Variants in GRM5 observed in about 807,000 individuals in gnomAD.
The protein encoded by GRM5 is metabotropic glutamate receptor 5.
In GRM5, 19 loss-of-function variants were observed where a neutral mutation model predicts 83.1. The ratio of observed to expected loss-of-function variants is 0.23; its 90% CI spans 0.16 to 0.34. GRM5 has a LOEUF of 0.34. GRM5 is among the 10% of genes least tolerant of loss of function. The pLI, the probability that GRM5 is intolerant of heterozygous loss-of-function variation, is 1.00. For synonymous variants in GRM5, 675 were observed against 633.6 expected (o/e 1.07, Z -0.98); for missense variants, 1,160 against 1,588.3 (o/e 0.73, Z 4.58).
intron 2 of GRM5, among the ~76,000 whole-genome samples, chr11:88,903,011 A>G (rs1729704400): frequency 6.6e-6 from 1 of 151,240 alleles, no homozygotes; most frequent in African/African-American, 2.4e-5. Context: ...AAAGCAGAGT[A>G]AGAGGACAAG....
intron 3 of GRM5, among the ~76,000 whole-genome samples, chr11:88,816,283 G>C (rs1419592280): frequency 1.4e-5 from 2 of 143,792 alleles, no homozygotes; most frequent in East Asian, 2.2e-4. Flanking sequence ...GCTCATGCCT[G>C]TAATCCCAGC....
chr11:88,566,974 C>A, intron 8 of GRM5, 79 bp downstream of exon 8: 1 of 900,728 alleles, frequency 1.1e-6, no homozygotes, highest in South Asian at 1.7e-5. Context: ...AGATTTCTCC[C>A]ATTTAAAAGA....
chr11:88,999,637 G>T (rs1278264296), intron 2 of GRM5, among the ~76,000 whole-genome samples: 2 of 152,156 alleles, frequency 1.3e-5, no homozygotes, highest in Admixed American at 1.3e-4. Context: ...TACACTGTTG[G>T]TGGGACTGTA....
intron 3 of GRM5, among the ~76,000 whole-genome samples, chr11:88,794,468 G>A (rs1210041762): frequency 6.6e-6 from 1 of 152,042 alleles, no homozygotes; most frequent in Non-Finnish European, 1.5e-5. Context: ...CACATACTTT[G>A]AATAAATTAT....
chr11:88,739,030 A>G (rs181012800), intron 3 of GRM5, among the ~76,000 whole-genome samples: 1 of 152,200 alleles, frequency 6.6e-6, no homozygotes, highest in African/African-American at 2.4e-5. Flanking sequence ...ACATTTCTAT[A>G]TTTCCAAAAT....
intron 3 of GRM5, among the ~76,000 whole-genome samples, chr11:88,777,340 A>T (rs1005864972): frequency 1.3e-5 from 2 of 152,114 alleles, no homozygotes; most frequent in Non-Finnish European, 2.9e-5. Flanking sequence ...CATTCATCTT[A>T]TCTTTTTTCA....
At chr11:88,747,070 C>T (rs1005678145) in intron 3 of GRM5, among the ~76,000 whole-genome samples, 7 of 152,098 alleles carry the variant, frequency 4.6e-5, no homozygotes, top group Non-Finnish European at 1.0e-4. Context: ...GAAGACACCC[C>T]GTTATCCAAT....
intron 2 of GRM5, among the ~76,000 whole-genome samples, chr11:89,018,470 T>TA (rs1398619956): frequency 6.6e-6 from 1 of 152,210 alleles, no homozygotes; most frequent in African/African-American, 2.4e-5. Flanking sequence ...ACTAATTCAT[T>TA]AAAAAATGCA....
intron 2 of GRM5, among the ~76,000 whole-genome samples, chr11:88,918,028 T>A (rs1945623513): frequency 6.6e-6 from 1 of 151,504 alleles, no homozygotes; most frequent in South Asian, 2.1e-4. Flanking sequence ...CTCAGGAGAT[T>A]TAATAAGCAA....
rs189029794 is a variant in GRM5 at position 88,639,564 on chromosome 11, G to T, written c.1147+13604C>A. On this transcript the variant is annotated intron_variant, in intron 4 of 9. Coordinates refer to ENST00000305447, the MANE Select transcript of GRM5 (RefSeq NM_001143831.3). ...GCCATTTTCCCATACATCATCATAT[G>T]TAAGCCTCATGATAATCTGCAAGTT... Among the ~76,000 whole-genome samples the T allele has an allele frequency of 5.3e-5, 8 of 151,340 alleles. No individual in the cohort carries two copies. In the East Asian group the frequency reaches 1.4e-3, roughly 26 times the overall value.
At chr11:88,643,946 G>A (rs1939370000) in intron 4 of GRM5, among the ~76,000 whole-genome samples, 1 of 152,182 alleles carries the variant, frequency 6.6e-6, no homozygotes, top group African/African-American at 2.4e-5. Flanking sequence ...TCATCAGAGA[G>A]ATTGTAGACA....
intron 2 of GRM5, among the ~76,000 whole-genome samples, chr11:88,955,709 C>T (rs539752): frequency 0.89 from 136,033 of 152,172 alleles, 62,803 homozygotes; most frequent in East Asian, 1. Flanking sequence ...TTCAGAGTGC[C>T]CTTCCCACTT....
At chr11:88,646,950 C>T (rs565697499) in intron 4 of GRM5, among the ~76,000 whole-genome samples, 22 of 150,686 alleles carry the variant, frequency 1.5e-4, no homozygotes, top group Non-Finnish European at 2.7e-4. Flanking sequence ...TTTATTTTCT[C>T]CCAGTTCTGG....
chr11:88,681,557 A>C (rs1180283705), intron 3 of GRM5, among the ~76,000 whole-genome samples: 1 of 43,398 alleles, frequency 2.3e-5, no homozygotes, highest in African/African-American at 6.2e-5. Context: ...CAAGAGGTTG[A>C]GTTCTTCCTT....
chr11:88,743,080 G>C (rs531007952), intron 3 of GRM5, among the ~76,000 whole-genome samples: 1 of 152,218 alleles, frequency 6.6e-6, no homozygotes, highest in East Asian at 1.9e-4. Context: ...GACTCTCCTA[G>C]GCTCTCCTTC....
chr11:89,024,903 C>A (rs1379473229), intron 2 of GRM5, among the ~76,000 whole-genome samples: 1 of 144,338 alleles, frequency 6.9e-6, no homozygotes, highest in Non-Finnish European at 1.5e-5. Flanking sequence ...GTGAATATCT[C>A]AAAGGACAGG....
chr11:88,513,934 T>A (rs545673584), intron 9 of GRM5, among the ~76,000 whole-genome samples: 1,067 of 15,228 alleles, frequency 0.07, 14 homozygotes, highest in African/African-American at 0.25. Flanking sequence ...TAGGCTGAGA[T>A]TTTTTTTTCA....
intron 2 of GRM5, among the ~76,000 whole-genome samples, chr11:88,907,248 G>A (rs1311775525): frequency 6.6e-6 from 1 of 152,054 alleles, no homozygotes; most frequent in East Asian, 1.9e-4. Flanking sequence ...AGCTAGTAGC[G>A]ATCATCACTG....
At chr11:88,536,032 G>A (rs1046437131) in intron 8 of GRM5, among the ~76,000 whole-genome samples, 1 of 152,180 alleles carries the variant, frequency 6.6e-6, no homozygotes, top group Admixed American at 6.5e-5. Flanking sequence ...AATCATGGAA[G>A]AAACACCCTT....
Sources: allele counts gnomAD v4.1 joint callset (sites outside exome capture counted in the v4.1 genomes callset), GRCh38; gene constraint gnomAD v4.1.1; transcripts MANE v1.5; gene names NCBI Gene and HGNC (gene_info 2026-07-23, HGNC 2026-07-21).